HIVEP1: variants seen among roughly 807,000 people sequenced by gnomAD.
The protein encoded by HIVEP1 is zinc finger protein 40.
A neutral mutation model predicts 180.0 loss-of-function variants in HIVEP1; 36 were observed. That is an observed-to-expected ratio of 0.20 (90% CI 0.15 to 0.26). The LOEUF (loss-of-function observed/expected upper bound fraction) is 0.26, where lower values mean the gene tolerates loss of function less well. Ranked by LOEUF, HIVEP1 falls within the 10% of genes least tolerant of loss-of-function variation. The pLI, the probability that HIVEP1 is intolerant of heterozygous loss-of-function variation, is 1.00. For missense variants in HIVEP1, 3,143 were observed against 3,268.7 expected (o/e 0.96, Z 0.94); for synonymous variants, 1,239 against 1,239.0 (o/e 1.00, Z 0.00).
intron 2 of HIVEP1, among the ~76,000 whole-genome samples, chr6:12,067,560 A>C (rs1324037544): frequency 6.6e-6 from 1 of 151,892 alleles, no homozygotes; most frequent in Non-Finnish European, 1.5e-5. Flanking sequence ...CCTGCTTTTG[A>C]GTAGGCGCCA....
chr6:12,159,060 A>C (rs928720003), intron 7 of HIVEP1, among the ~76,000 whole-genome samples: 60 of 151,286 alleles, frequency 4.0e-4, no homozygotes, highest in Non-Finnish European at 3.1e-4. Flanking sequence ...GACTCCCCTG[A>C]CTGGGGTTCT....
the HIVEP1 span, among the ~76,000 whole-genome samples, chr6:12,203,340 G>A: frequency 6.6e-6 from 1 of 152,252 alleles, no homozygotes; most frequent in Non-Finnish European, 1.5e-5. Context: ...GGATCCCTGT[G>A]AACGGTTACC....
At chr6:12,135,060 A>G (rs1238341398) in intron 6 of HIVEP1, among the ~76,000 whole-genome samples, 1 of 152,220 alleles carries the variant, frequency 6.6e-6, no homozygotes, top group Non-Finnish European at 1.5e-5. Flanking sequence ...AAAAGGCCTT[A>G]TGGGAATCGA....
intron 3 of HIVEP1, among the ~76,000 whole-genome samples, chr6:12,106,968 T>G (rs1413097161): frequency 6.6e-6 from 1 of 152,254 alleles, no homozygotes; most frequent in East Asian, 1.9e-4. Flanking sequence ...TTCTAAATAT[T>G]TGGAGGTTTT....
chr6:12,152,859 C>G (rs1052218924), intron 7 of HIVEP1, among the ~76,000 whole-genome samples: 42 of 152,156 alleles, frequency 2.8e-4, no homozygotes, highest in African/African-American at 9.7e-4. Flanking sequence ...TAATCCTGAC[C>G]TGACCTGAAA....
At position 12,130,536 on chromosome 6, in the gene HIVEP1, TA is replaced by T. The variant is rs55737220; in HGVS notation, c.6210-221del. On this transcript the variant is annotated intron_variant, in intron 5 of 8. Coordinates refer to ENST00000379388, the MANE Select transcript of HIVEP1 (RefSeq NM_002114.4). ...CTGGGCAATGGAGCAAGACTGTCTC[TA>T]AAAAAAAAACAAAACAAAATATAAT... is the stretch of plus-strand genomic sequence containing the variant. 1.5e-4 allele frequency among the ~76,000 whole-genome samples: 22 copies of T among 146,700 alleles called. No homozygotes were observed. In the East Asian group the frequency reaches 3.0e-3, roughly 20 times the overall value.
chr6:12,198,689 T>C, the HIVEP1 span, among the ~76,000 whole-genome samples: 1 of 152,126 alleles, frequency 6.6e-6, no homozygotes, highest in South Asian at 2.1e-4. Flanking sequence ...GAGATTTAAA[T>C]AGTGATTAAG....
At position 12,125,942 on chromosome 6, in the gene HIVEP1, A is replaced by G. The variant is rs1758044403; in HGVS notation, c.6075+72A>G. 10 of 821,124 alleles carry G rather than the reference A, an allele frequency of 1.2e-5. No individual in the cohort carries two copies. The East Asian group carries it at 1.7e-4, about 14-fold the overall frequency. The allele number at this position is 821,124 out of a possible 1,614,324, so 50.9% of individuals were successfully genotyped here. ...TTTCCATGTGTCTTGATACCTTTAA[A>G]TATTTTAACTGGAAATATTTTAATT... On this transcript the variant is annotated intron_variant, in intron 4 of 8. Coordinates refer to ENST00000379388, the MANE Select transcript of HIVEP1 (RefSeq NM_002114.4).
Position 12,163,976 on chromosome 6 carries a change from G to A in HIVEP1, c.7672G>A (p.Val2558Ile). ...AGCATTGCCCACCTTAATCCCCTCA[G>A]TCAGTCAAGTAGCCGTTGATGCACA... Reference protein sequence around the residue: ...NIALPTLIPSVSQVAVDAQGA... With the variant: ...NIALPTLIPSISQVAVDAQGA... The change falls in exon 9 of 9, where the codon GTC (valine) becomes ATC (isoleucine). Residue 2558 changes from valine to isoleucine, a missense_variant. Val to Ile is a conservative substitution (Grantham distance 29). Coordinates refer to ENST00000379388, the MANE Select transcript of HIVEP1 (RefSeq NM_002114.4). The A allele has an allele frequency of 6.2e-7, 1 of 1,614,034 alleles. No individual in the cohort carries two copies. Among genetic ancestry groups the A allele is most frequent in the Non-Finnish European group, 8.5e-7 (1 of 1,180,018 alleles).
chr6:12,181,242 C>A, the HIVEP1 span, among the ~76,000 whole-genome samples: 1 of 151,876 alleles, frequency 6.6e-6, no homozygotes, highest in East Asian at 1.9e-4. Context: ...TGCCTGTAGT[C>A]CCAGCTACTC....
chr6:12,089,754 T>G (rs1179120786), intron 3 of HIVEP1, among the ~76,000 whole-genome samples: 2 of 152,116 alleles, frequency 1.3e-5, no homozygotes, highest in Non-Finnish European at 2.9e-5. Flanking sequence ...TTGATGGTGA[T>G]AACTTATCAA....
At chr6:12,051,084 C>T (rs1321712724) in intron 2 of HIVEP1, among the ~76,000 whole-genome samples, 2 of 144,600 alleles carry the variant, frequency 1.4e-5, no homozygotes, top group Admixed American at 7.1e-5. Context: ...CCTCTTGGAT[C>T]TTATACTTCT....
intron 5 of HIVEP1, 71 bp downstream of exon 5, chr6:12,129,963 A>AC: frequency 9.3e-7 from 1 of 1,079,290 alleles, no homozygotes; most frequent in Non-Finnish European, 1.4e-6. Context: ...CTTTCATGTG[A>AC]ATGAAGACTT....
intron 2 of HIVEP1, among the ~76,000 whole-genome samples, chr6:12,065,474 C>T (rs1353846779): frequency 6.6e-6 from 1 of 152,142 alleles, no homozygotes. Context: ...AGGCAGGACG[C>T]CCTTTTGATA....
At chr6:12,185,467 G>C in the HIVEP1 span, among the ~76,000 whole-genome samples, 2,961 of 152,274 alleles carry the variant, frequency 0.019, 93 homozygotes, top group African/African-American at 0.068. Context: ...GAGTTGAACT[G>C]GGACACTGCA....
chr6:12,082,466 A>G (rs1455597295), intron 2 of HIVEP1, among the ~76,000 whole-genome samples: 1 of 152,102 alleles, frequency 6.6e-6, no homozygotes, highest in Non-Finnish European at 1.5e-5. Flanking sequence ...GGATTACTCT[A>G]TTAAAAGATA....
At chr6:12,097,581 TTC>T (rs1773854693) in intron 3 of HIVEP1, among the ~76,000 whole-genome samples, 1 of 152,174 alleles carries the variant, frequency 6.6e-6, no homozygotes, top group Non-Finnish European at 1.5e-5. Flanking sequence ...TTACGAAGTA[TTC>T]TCTTAGTGTA....
downstream of HIVEP1, among the ~76,000 whole-genome samples, chr6:12,168,631 A>G (rs1402203487): frequency 6.6e-6 from 1 of 151,880 alleles, no homozygotes; most frequent in Non-Finnish European, 1.5e-5. Flanking sequence ...TTTCTGTGCT[A>G]GCAATATAGG....
intron 2 of HIVEP1, among the ~76,000 whole-genome samples, chr6:12,035,952 A>T (rs1769253427): frequency 6.6e-6 from 1 of 152,236 alleles, no homozygotes; most frequent in African/African-American, 2.4e-5. Context: ...AAATGGACAA[A>T]GGGAATTACA....
Sources: gnomAD v4.1 joint callset for allele counts (sites outside exome capture counted in the v4.1 genomes callset) on GRCh38, gnomAD v4.1.1 for gene constraint, MANE v1.5 for transcripts, NCBI Gene and HGNC (gene_info 2026-07-23, HGNC 2026-07-21) for gene names.